OTOGL: variants seen among roughly 807,000 people sequenced by gnomAD.
OTOGL encodes the protein otogelin like, also known as otogelin-like protein.
OTOGL carries 285 observed loss-of-function variants against 318.5 expected under a neutral mutation model. The ratio of observed to expected loss-of-function variants is 0.89; its 90% confidence interval spans 0.81 to 0.99. OTOGL has a LOEUF of 0.99. Ranked by LOEUF, OTOGL falls within the 50% of genes least tolerant of loss-of-function variation. OTOGL has a pLI of 0.00. For missense variants in OTOGL, 2,899 were observed against 2,845.6 expected (o/e 1.02, Z -0.43); for synonymous variants, 987 against 936.5 (o/e 1.05, Z -0.99).
chr12:80,181,331 TTCTCTCTCTCTCTC>T (rs57549257), intron 1 of OTOGL, among the ~76,000 whole-genome samples: 2 of 149,152 alleles, frequency 1.3e-5, no homozygotes, highest in Non-Finnish European at 3.0e-5. Context: ...TTAAATTTAC[TTCTCTCTCTCTCTC>T]TCTCTCTCTG....
chr12:80,206,686 A>ATT (rs774957299), intron 1 of OTOGL, among the ~76,000 whole-genome samples: 10 of 134,890 alleles, frequency 7.4e-5, no homozygotes, highest in South Asian at 2.4e-4. Flanking sequence ...ATTGTTTTGT[A>ATT]TTTTTTTTTT....
Position 80,372,048 on chromosome 12 carries a change from A to G in OTOGL, c.6765A>G (p.Glu2255=), listed in dbSNP as rs376106262. Residue 2255 remains glutamate (E), a synonymous_variant, in exon 57 of 59, where the codon GAA becomes GAG. Coordinates refer to ENST00000547103, the MANE Select transcript of OTOGL (RefSeq NM_001378609.3). ...MNEGIVKLYN[E]GCCKICKREE... Reference sequence around the variant, plus strand: ...AAGGGATTGTGAAGCTTTATAATGAAGGCTGTTGCAAGATCTGTAAGTGAG... The same window carrying G: ...AAGGGATTGTGAAGCTTTATAATGAGGGCTGTTGCAAGATCTGTAAGTGAG... 2.6e-6 allele frequency: 4 copies of G among 1,554,028 alleles called. No individual in the cohort carries two copies. The highest frequency in any genetic ancestry group is 3.5e-6 in the Non-Finnish European group (4 of 1,148,512).
At chr12:80,214,582 G>A (rs558078842) in intron 4 of OTOGL, among the ~76,000 whole-genome samples, 13 of 152,232 alleles carry the variant, frequency 8.5e-5, no homozygotes, top group Admixed American at 8.5e-4. Flanking sequence ...GTGGGGAGAG[G>A]CATCAACAAA....
intron 11 of OTOGL, among the ~76,000 whole-genome samples, chr12:80,246,029 C>A (rs1880845356): frequency 6.7e-6 from 1 of 150,314 alleles, no homozygotes; most frequent in Non-Finnish European, 1.5e-5. Flanking sequence ...TGAGACTTTG[C>A]TGAAGTTGCT....
intron 35 of OTOGL, among the ~76,000 whole-genome samples, chr12:80,324,959 G>A (rs924321007): frequency 6.6e-6 from 1 of 152,004 alleles, no homozygotes; most frequent in Non-Finnish European, 1.5e-5. Context: ...AGTTTGATAT[G>A]GAAAATTGTT....
intron 1 of OTOGL, among the ~76,000 whole-genome samples, chr12:80,108,360 T>A (rs537758642): frequency 6.6e-6 from 1 of 152,144 alleles, no homozygotes; most frequent in African/African-American, 2.4e-5. Flanking sequence ...CTTTCTGTAG[T>A]GGTAAGTGGG....
intron 2 of OTOGL, among the ~76,000 whole-genome samples, chr12:80,210,433 C>G (rs1197312902): frequency 6.6e-6 from 1 of 152,062 alleles, no homozygotes; most frequent in Admixed American, 6.6e-5. Flanking sequence ...CCAGTTGTGA[C>G]TGAAACCCCA....
chr12:80,179,805 A>G (rs1356833591), intron 1 of OTOGL, among the ~76,000 whole-genome samples: 2 of 152,212 alleles, frequency 1.3e-5, no homozygotes, highest in Non-Finnish European at 2.9e-5. Flanking sequence ...CAGCAGCTCT[A>G]CAGTGAGCAT....
chr12:80,263,864 TA>T (rs928497172), intron 19 of OTOGL, among the ~76,000 whole-genome samples: 2 of 152,124 alleles, frequency 1.3e-5, no homozygotes, highest in Non-Finnish European at 2.9e-5. Context: ...TACAAATTGT[TA>T]GCCTCTTTGG....
chr12:80,272,342 ATGTG>A (rs56364698), intron 24 of OTOGL, among the ~76,000 whole-genome samples: 3,803 of 145,520 alleles, frequency 0.026, 96 homozygotes, highest in African/African-American at 0.066. Flanking sequence ...AGGCATTGTG[ATGTG>A]TGTGTGTGTG....
At chr12:80,322,705 G>A (rs17248984) in intron 34 of OTOGL, among the ~76,000 whole-genome samples, 7,765 of 152,222 alleles carry the variant, frequency 0.051, 287 homozygotes, top group Middle Eastern at 0.15. Context: ...GAGAGTATTA[G>A]CAGACCTTGC....
At chr12:80,311,986 G>A (rs889226361) in intron 30 of OTOGL, among the ~76,000 whole-genome samples, 4 of 152,094 alleles carry the variant, frequency 2.6e-5, no homozygotes, top group Admixed American at 6.5e-5. Context: ...ACCAATGCAT[G>A]ATGTTACAAA....
chr12:80,214,001 T>C (rs1273653982), intron 4 of OTOGL, among the ~76,000 whole-genome samples: 3 of 152,172 alleles, frequency 2.0e-5, no homozygotes, highest in African/African-American at 4.8e-5. Flanking sequence ...CTGTAAATAG[T>C]GTATTTGTGT....
chr12:80,173,490 A>G (rs35844414), intron 1 of OTOGL, among the ~76,000 whole-genome samples: 7,491 of 152,258 alleles, frequency 0.049, 622 homozygotes, highest in African/African-American at 0.17. Flanking sequence ...TAATTAGCTT[A>G]TAATGAGCAG....
intron 29 of OTOGL, among the ~76,000 whole-genome samples, chr12:80,307,510 G>A (rs1197524998): frequency 4.7e-5 from 7 of 149,974 alleles, no homozygotes; most frequent in South Asian, 2.1e-4. Flanking sequence ...CAGTAGGGGC[G>A]GCCGGGCGGA....
chr12:80,351,156 A>T (rs1175198150), intron 44 of OTOGL, among the ~76,000 whole-genome samples: 2 of 152,100 alleles, frequency 1.3e-5, no homozygotes, highest in African/African-American at 4.8e-5. Flanking sequence ...TTTATTGGAG[A>T]TACTTTTCTT....
chr12:80,276,102 T>C (rs1251134478), intron 24 of OTOGL, among the ~76,000 whole-genome samples: 5 of 151,786 alleles, frequency 3.3e-5, no homozygotes, highest in South Asian at 2.1e-4. Flanking sequence ...TGAGTAGTTA[T>C]GAAAAACTCA....
At chr12:80,105,273 A>C (rs1408773338) in intron 1 of OTOGL, among the ~76,000 whole-genome samples, 1 of 152,234 alleles carries the variant, frequency 6.6e-6, no homozygotes, top group Non-Finnish European at 1.5e-5. Context: ...AAAAAGTCGC[A>C]TCAAAATAAA....
chr12:80,132,288 C>T (rs961296510), intron 1 of OTOGL, among the ~76,000 whole-genome samples: 5 of 151,802 alleles, frequency 3.3e-5, no homozygotes, highest in African/African-American at 1.2e-4. Flanking sequence ...TTTTATTTTC[C>T]AATTTTGATT....
Sources: gnomAD v4.1 joint callset for allele counts (sites outside exome capture counted in the v4.1 genomes callset) on GRCh38, gnomAD v4.1.1 for gene constraint, MANE v1.5 for transcripts, NCBI Gene and HGNC (gene_info 2026-07-23, HGNC 2026-07-21) for gene names.